Variants in DOK6 observed in about 807,000 individuals in gnomAD.
DOK6 encodes docking protein 6, also known as downstream of tyrosine kinase 6.
A neutral mutation model predicts 44.0 loss-of-function variants in DOK6; 22 were observed. The ratio of observed to expected loss-of-function variants is 0.50; its 90% confidence interval spans 0.36 to 0.71. The LOEUF (loss-of-function observed/expected upper bound fraction) is 0.71, where lower values mean the gene tolerates loss of function less well. DOK6 is among the 30% of genes least tolerant of loss of function. DOK6 has a pLI of 0.00. For missense variants in DOK6, 340 were observed against 416.4 expected (o/e 0.82, Z 1.60); for synonymous variants, 166 against 145.5 (o/e 1.14, Z -1.01).
chr18:69,766,722 G>A (rs1408046008), intron 7 of DOK6, among the ~76,000 whole-genome samples: 10 of 152,082 alleles, frequency 6.6e-5, no homozygotes, highest in Non-Finnish European at 1.3e-4. Flanking sequence ...TGGCAGAGAT[G>A]GAAGAAAATC....
chr18:69,485,637 C>T (rs547078766), intron 1 of DOK6, among the ~76,000 whole-genome samples: 3 of 151,982 alleles, frequency 2.0e-5, no homozygotes, highest in Admixed American at 2.0e-4. Flanking sequence ...ACATTCAACT[C>T]GGTTTGAGAA....
intron 7 of DOK6, among the ~76,000 whole-genome samples, chr18:69,759,036 A>G (rs1979454207): frequency 6.6e-6 from 1 of 152,166 alleles, no homozygotes. Context: ...ACTGAAGGCA[A>G]TTACATTTTA....
intron 7 of DOK6, among the ~76,000 whole-genome samples, chr18:69,785,998 G>A (rs1042406483): frequency 2.6e-5 from 4 of 152,058 alleles, no homozygotes; most frequent in Admixed American, 1.3e-4. Flanking sequence ...ATAGAATTGG[G>A]GAAGTTATAC....
intron 1 of DOK6, among the ~76,000 whole-genome samples, chr18:69,559,438 A>G (rs548944507): frequency 1.3e-5 from 2 of 152,030 alleles, no homozygotes; most frequent in South Asian, 4.1e-4. Context: ...TTACTCCTCA[A>G]TTAAGACTCC....
At position 69,691,475 on chromosome 18, in the gene DOK6, C is replaced by T. The variant is rs565563038; in HGVS notation, c.410-6929C>T. Reference sequence around the variant, plus strand: ...AGGACAGACTGGCTTCTCACCTCACCCATGCTGGTAGAACTGTAGAATCAA... The same window carrying T: ...AGGACAGACTGGCTTCTCACCTCACTCATGCTGGTAGAACTGTAGAATCAA... On this transcript the variant is annotated intron_variant, in intron 4 of 7. Coordinates refer to ENST00000382713, the MANE Select transcript of DOK6 (RefSeq NM_152721.6). 3.9e-5 allele frequency among the ~76,000 whole-genome samples: 6 copies of T among 152,236 alleles called. No homozygotes were observed. The East Asian group carries it at 1.2e-3, about 29-fold the overall frequency.
chr18:69,460,842 A>G (rs1979768525), intron 1 of DOK6, among the ~76,000 whole-genome samples: 1 of 152,150 alleles, frequency 6.6e-6, no homozygotes, highest in Non-Finnish European at 1.5e-5. Context: ...CTGCAGTCTC[A>G]TCTTGACTTC....
At chr18:69,756,321 T>C (rs140845960) in intron 6 of DOK6, among the ~76,000 whole-genome samples, 1 of 152,228 alleles carries the variant, frequency 6.6e-6, no homozygotes, top group Non-Finnish European at 1.5e-5. Flanking sequence ...CCACAGGATG[T>C]GGATGTGGAT....
chr18:69,728,263 C>G (rs1214581623), intron 5 of DOK6, among the ~76,000 whole-genome samples: 1 of 152,182 alleles, frequency 6.6e-6, no homozygotes, highest in Admixed American at 6.5e-5. Context: ...CCTGCATTCT[C>G]CAGAATTTTC....
chr18:69,437,090 C>G (rs1979001554), intron 1 of DOK6, among the ~76,000 whole-genome samples: 1 of 152,158 alleles, frequency 6.6e-6, no homozygotes, highest in South Asian at 2.1e-4. Flanking sequence ...CAATAATTTT[C>G]TCCCATTCTG....
chr18:69,615,850 A>T (rs1984272164), intron 3 of DOK6, among the ~76,000 whole-genome samples: 1 of 152,176 alleles, frequency 6.6e-6, no homozygotes, highest in African/African-American at 2.4e-5. Context: ...TGATGTGTTC[A>T]GTTGAAAGTA....
At chr18:69,645,028 T>C (rs1281188271) in intron 3 of DOK6, among the ~76,000 whole-genome samples, 1 of 152,238 alleles carries the variant, frequency 6.6e-6, no homozygotes, top group African/African-American at 2.4e-5. Flanking sequence ...AGCTCTTGCA[T>C]ACCTTTGATT....
intron 1 of DOK6, among the ~76,000 whole-genome samples, chr18:69,506,890 C>CAT (rs1300179273): frequency 1.3e-5 from 2 of 151,530 alleles, no homozygotes; most frequent in Non-Finnish European, 2.9e-5. Flanking sequence ...CACACACACA[C>CAT]ATATGTACAT....
Position 69,564,480 on chromosome 18 carries a change from C to T in DOK6, c.67-7C>T. 6.2e-7 allele frequency: 1 copy of T among 1,612,704 alleles called. No individual in the cohort carries two copies. Among genetic ancestry groups the T allele is most frequent in the Non-Finnish European group, 8.5e-7 (1 of 1,179,182 alleles). On this transcript the variant is annotated splice_polypyrimidine_tract_variant and splice_region_variant and intron_variant, in intron 1 of 7. Coordinates refer to ENST00000382713, the MANE Select transcript of DOK6 (RefSeq NM_152721.6). ...ATGGATAATGGGATTCCTTTATTTG[C>T]TTTCAGATTTTCAGACGATGCTGGT...
At chr18:69,694,327 T>C (rs994351931) in intron 4 of DOK6, among the ~76,000 whole-genome samples, 3 of 151,804 alleles carry the variant, frequency 2.0e-5, no homozygotes, top group African/African-American at 7.3e-5. Flanking sequence ...TCCCTGGGCA[T>C]GGTCTATTCC....
At chr18:69,767,897 A>T (rs907188790) in intron 7 of DOK6, among the ~76,000 whole-genome samples, 5 of 152,240 alleles carry the variant, frequency 3.3e-5, no homozygotes, top group Admixed American at 1.3e-4. Flanking sequence ...GATATGTACA[A>T]GTAATTACTA....
At chr18:69,756,943 G>A (rs1568117252) in intron 6 of DOK6, among the ~76,000 whole-genome samples, 1 of 152,184 alleles carries the variant, frequency 6.6e-6, no homozygotes, top group Non-Finnish European at 1.5e-5. Context: ...AGAGACATGT[G>A]TGCCGAGACT....
At chr18:69,814,018 G>C (rs58621341) in intron 7 of DOK6, among the ~76,000 whole-genome samples, 2 of 152,168 alleles carry the variant, frequency 1.3e-5, no homozygotes, top group African/African-American at 4.8e-5. Context: ...CCAAGAGGAT[G>C]TAGTGCCAAA....
chr18:69,424,690 G>A (rs1174064622), intron 1 of DOK6, among the ~76,000 whole-genome samples: 1 of 152,054 alleles, frequency 6.6e-6, no homozygotes, highest in Non-Finnish European at 1.5e-5. Context: ...CTATCTTCTA[G>A]TCTAATGACA....
At chr18:69,426,435 G>C (rs563598391) in intron 1 of DOK6, among the ~76,000 whole-genome samples, 1 of 152,242 alleles carries the variant, frequency 6.6e-6, no homozygotes, top group South Asian at 2.1e-4. Flanking sequence ...GCATTACATG[G>C]TTCAACTTAA....
Sources: gnomAD v4.1 joint callset for allele counts (sites outside exome capture counted in the v4.1 genomes callset) on GRCh38, gnomAD v4.1.1 for gene constraint, MANE v1.5 for transcripts, NCBI Gene and HGNC (gene_info 2026-07-23, HGNC 2026-07-21) for gene names.